Variants in PHACTR1 observed in about 807,000 individuals in gnomAD.
The protein encoded by PHACTR1 is RPEL repeat containing 1.
PHACTR1 carries 16 observed loss-of-function variants against 69.2 expected under a neutral mutation model. That is an observed-to-expected ratio of 0.23 (90% CI 0.16 to 0.35). The LOEUF (loss-of-function observed/expected upper bound fraction) is 0.35. Among genes scored for constraint, PHACTR1 ranks in the 10% least tolerant of loss-of-function variants. The pLI, the probability that PHACTR1 is intolerant of heterozygous loss-of-function variation, is 1.00. For synonymous variants in PHACTR1, 312 were observed against 284.5 expected (o/e 1.10, Z -0.97); for missense variants, 510 against 734.7 (o/e 0.69, Z 3.54).
At chr6:13,039,401 G>A (rs554354500) in intron 4 of PHACTR1, among the ~76,000 whole-genome samples, 14 of 152,298 alleles carry the variant, frequency 9.2e-5, no homozygotes, top group African/African-American at 3.4e-4. Context: ...GGATTGATAA[G>A]AGAGAATTTT....
chr6:13,215,713 C>CA (rs1767568597), intron 8 of PHACTR1, among the ~76,000 whole-genome samples: 1 of 152,216 alleles, frequency 6.6e-6, no homozygotes, highest in Non-Finnish European at 1.5e-5. Flanking sequence ...CAGGTCGGAT[C>CA]AGCTGCTAAG....
intron 4 of PHACTR1, among the ~76,000 whole-genome samples, chr6:12,937,174 G>A (rs1296070441): frequency 1.3e-5 from 2 of 152,062 alleles, no homozygotes; most frequent in South Asian, 2.1e-4. Flanking sequence ...CCACCTTTCT[G>A]TGTTAGGCTA....
intron 4 of PHACTR1, among the ~76,000 whole-genome samples, chr6:13,042,488 T>G (rs190670165): frequency 6.6e-6 from 1 of 152,332 alleles, no homozygotes; most frequent in Admixed American, 6.5e-5. Flanking sequence ...GCCGTCAAAG[T>G]TACCTGGGCT....
chr6:13,217,841 G>A (rs1371251086), intron 8 of PHACTR1, among the ~76,000 whole-genome samples: 1 of 152,152 alleles, frequency 6.6e-6, no homozygotes, highest in East Asian at 1.9e-4. Flanking sequence ...GGCTACATTG[G>A]TTATTTCTGC....
rs1366508227 is a variant in PHACTR1, at chr6:13,050,512, G to A, written c.251-2853G>A. Among the ~76,000 whole-genome samples the A allele has an allele frequency of 4.0e-5, 6 of 151,886 alleles. No homozygotes were observed. The East Asian group carries it at 5.8e-4, about 15-fold the overall frequency. On this transcript the variant is annotated intron_variant, in intron 4 of 14. Coordinates refer to ENST00000332995, the MANE Select transcript of PHACTR1 (RefSeq NM_030948.6). ...TGTGCATTTTTGATCCCACTTCTTCGCCTTCCTAAGAACCATGTTTCATAC... is the reference window on the plus strand; with the variant it reads ...TGTGCATTTTTGATCCCACTTCTTCACCTTCCTAAGAACCATGTTTCATAC...
chr6:12,878,734 C>G (rs1782788625), intron 4 of PHACTR1, among the ~76,000 whole-genome samples: 1 of 152,174 alleles, frequency 6.6e-6, no homozygotes, highest in African/African-American at 2.4e-5. Flanking sequence ...TATTTCACTT[C>G]TGAAATATTT....
At chr6:12,883,598 C>G (rs935319372) in intron 4 of PHACTR1, among the ~76,000 whole-genome samples, 4 of 152,024 alleles carry the variant, frequency 2.6e-5, no homozygotes, top group African/African-American at 7.2e-5. Flanking sequence ...AACTCCAGGC[C>G]CCAGGAGACC....
intron 4 of PHACTR1, among the ~76,000 whole-genome samples, chr6:12,980,999 A>G (rs1168446441): frequency 2.6e-5 from 4 of 152,178 alleles, no homozygotes; most frequent in Non-Finnish European, 5.9e-5. Flanking sequence ...CTTGACATAA[A>G]CCTGGTCAGC....
At chr6:12,788,162 TAA>T (rs5874379) in intron 4 of PHACTR1, among the ~76,000 whole-genome samples, 102 of 138,704 alleles carry the variant, frequency 7.4e-4, no homozygotes, top group Middle Eastern at 3.6e-3. Context: ...AATCTCAAAT[TAA>T]AAAAAAAAAA....
chr6:12,923,454 C>T (rs1034955720), intron 4 of PHACTR1, among the ~76,000 whole-genome samples: 2 of 152,146 alleles, frequency 1.3e-5, no homozygotes, highest in Non-Finnish European at 1.5e-5. Flanking sequence ...TATGATAGCA[C>T]AATGCAATAT....
At chr6:13,053,251 T>C (rs1462324225) in intron 4 of PHACTR1, 114 bp from the exon 5 acceptor site, 3 of 1,123,710 alleles carry the variant, frequency 2.7e-6, no homozygotes, top group African/African-American at 3.2e-5. Flanking sequence ...AGAGAAACTC[T>C]AGTCACGTGG....
At chr6:13,198,586 C>G (rs1764750998) in intron 7 of PHACTR1, among the ~76,000 whole-genome samples, 1 of 146,362 alleles carries the variant, frequency 6.8e-6, no homozygotes, top group Admixed American at 6.9e-5. Flanking sequence ...TTGGGCTACA[C>G]ATAAAATATA....
chr6:12,798,477 C>T (rs1773339010), intron 4 of PHACTR1, among the ~76,000 whole-genome samples: 1 of 152,150 alleles, frequency 6.6e-6, no homozygotes, highest in African/African-American at 2.4e-5. Context: ...GAAAGGCATT[C>T]CAGACTCAAG....
intron 4 of PHACTR1, among the ~76,000 whole-genome samples, chr6:12,956,592 A>C (rs1562052382): frequency 6.6e-6 from 1 of 152,094 alleles, no homozygotes; most frequent in Non-Finnish European, 1.5e-5. Flanking sequence ...TAGCAAAGCA[A>C]GATGTTGTCC....
intron 6 of PHACTR1, among the ~76,000 whole-genome samples, chr6:13,164,350 C>A (rs538406874): frequency 6.6e-6 from 1 of 152,172 alleles, no homozygotes; most frequent in Admixed American, 6.5e-5. Context: ...AGATTCGGAG[C>A]AATCATTCCA....
At chr6:12,935,876 C>T (rs952038105) in intron 4 of PHACTR1, among the ~76,000 whole-genome samples, 1 of 152,088 alleles carries the variant, frequency 6.6e-6, no homozygotes, top group African/African-American at 2.4e-5. Flanking sequence ...AGCATAGACT[C>T]CTGAAAAATC....
chr6:12,728,911 G>A (rs1763137121), intron 3 of PHACTR1, among the ~76,000 whole-genome samples: 1 of 152,166 alleles, frequency 6.6e-6, no homozygotes, highest in Non-Finnish European at 1.5e-5. Flanking sequence ...AGGCTAGATG[G>A]CACTCAGCTA....
At chr6:13,018,473 G>T (rs774652411) in intron 4 of PHACTR1, among the ~76,000 whole-genome samples, 1 of 152,080 alleles carries the variant, frequency 6.6e-6, no homozygotes, top group Non-Finnish European at 1.5e-5. Flanking sequence ...ATGGCGCCTT[G>T]CAAGAGAAAG....
intron 4 of PHACTR1, among the ~76,000 whole-genome samples, chr6:13,047,377 C>CAA (rs35293642): frequency 0.044 from 2,361 of 54,194 alleles, 63 homozygotes; most frequent in Non-Finnish European, 0.054. Flanking sequence ...AACCCTGTCT[C>CAA]AAAAAAAAAA....
Sources: allele counts gnomAD v4.1 joint callset (sites outside exome capture counted in the v4.1 genomes callset), GRCh38; gene constraint gnomAD v4.1.1; transcripts MANE v1.5; gene names NCBI Gene and HGNC (gene_info 2026-07-23, HGNC 2026-07-21).